Variants in USP8 observed in about 807,000 individuals in gnomAD.
USP8 encodes ubiquitin specific peptidase 8.
USP8 carries 27 observed loss-of-function variants against 130.0 expected under a neutral mutation model. That is an observed-to-expected ratio of 0.21 (90% CI 0.15 to 0.29). The LOEUF (loss-of-function observed/expected upper bound fraction) is 0.29. Among genes scored for constraint, USP8 ranks in the 10% least tolerant of loss-of-function variants. USP8 has a pLI of 1.00. For synonymous variants in USP8, 392 were observed against 444.1 expected, an observed-to-expected ratio of 0.88 and a Z score of 1.48; for missense variants, 1,029 against 1,312.2, an observed-to-expected ratio of 0.78 and a Z score of 3.33.
intron 5 of USP8, among the ~76,000 whole-genome samples, chr15:50,461,604 C>T (rs1322312821): frequency 6.6e-6 from 1 of 152,144 alleles, no homozygotes; most frequent in Non-Finnish European, 1.5e-5. Flanking sequence ...CCTATAATCC[C>T]AGCACTTTGG....
chr15:50,460,399 C>T (rs1214729739), intron 5 of USP8, among the ~76,000 whole-genome samples: 3 of 149,638 alleles, frequency 2.0e-5, no homozygotes, highest in African/African-American at 2.5e-5. Context: ...CTCTGCTTCC[C>T]GGGTTCAACT....
chr15:50,497,446 G>A (rs1003015819), intron 18 of USP8: 2 of 397,864 alleles, frequency 5.0e-6, no homozygotes, highest in Non-Finnish European at 8.7e-6. Flanking sequence ...ACTATTTCAT[G>A]TAATTCCTTA....
Position 50,435,980 on chromosome 15 carries a change from A to G in USP8, c.-65-3029A>G, listed in dbSNP as rs1353088448. On this transcript the variant is annotated intron_variant, in intron 1 of 19. Transcript: ENST00000307179. ...TATCTGCTTCCTCTATTCCATCTCT[A>G]CTGCCCTAGTTCTGACCTTTGTCAT... is the stretch of plus-strand genomic sequence containing the variant. Among the ~76,000 whole-genome samples, 9 of 151,924 alleles carry G rather than the reference A, an allele frequency of 5.9e-5. No individual in the cohort carries two copies. In the East Asian group the frequency reaches 1.2e-3, roughly 20 times the overall value.
At chr15:50,484,168 C>A in intron 11 of USP8, 107 bp from the exon 12 acceptor site, 1 of 771,604 alleles carries the variant, frequency 1.3e-6, no homozygotes, top group African/African-American at 1.9e-5. Context: ...TTTTTTTTCT[C>A]CTTTTACATT....
At chr15:50,454,050 G>A (rs761382849) in intron 4 of USP8, among the ~76,000 whole-genome samples, 4 of 151,894 alleles carry the variant, frequency 2.6e-5, no homozygotes, top group Non-Finnish European at 5.9e-5. Context: ...TTTTGGTAGA[G>A]ATGGGGTTTT....
chr15:50,427,266 A>G (rs751272844), intron 1 of USP8, among the ~76,000 whole-genome samples: 1 of 152,114 alleles, frequency 6.6e-6, no homozygotes, highest in Non-Finnish European at 1.5e-5. Flanking sequence ...GTAATACTTT[A>G]TGTTGTAATG....
chr15:50,454,756 G>C (rs2050739395), intron 4 of USP8, among the ~76,000 whole-genome samples: 1 of 151,470 alleles, frequency 6.6e-6, no homozygotes, highest in Non-Finnish European at 1.5e-5. Flanking sequence ...CGCCCAGCCT[G>C]GATTGAATAA....
Position 50,424,483 on chromosome 15 carries a change from G to T in USP8, c.-97G>T. Reference sequence around the variant, plus strand: ...TGGGAGATGGGCATTTGGCGAGAAGGCTGGCGTTAGTGAAGCGCGCCCGGC... The same window carrying T: ...TGGGAGATGGGCATTTGGCGAGAAGTCTGGCGTTAGTGAAGCGCGCCCGGC... On this transcript the variant is annotated 5_prime_UTR_variant, in exon 1 of 20. Transcript: ENST00000307179. 2.5e-6 allele frequency: 1 copy of T among 398,742 alleles called. No individual in the cohort carries two copies. Among genetic ancestry groups the T allele is most frequent in the East Asian group, 3.6e-5 (1 of 28,080 alleles). The allele number at this position is 398,742 out of a possible 1,614,324, so 24.7% of individuals were successfully genotyped here.
rs1466414454 is a variant in USP8 at position 50,424,489 on chromosome 15, G to A, written c.-91G>A. ...ATGGGCATTTGGCGAGAAGGCTGGC[G>A]TTAGTGAAGCGCGCCCGGCGTCACG... is the stretch of plus-strand genomic sequence containing the variant. On this transcript the variant is annotated 5_prime_UTR_variant, in exon 1 of 20. Transcript: ENST00000307179. The A allele has an allele frequency of 1.0e-5, 4 of 398,646 alleles. No homozygotes were observed. Among genetic ancestry groups the A allele is most frequent in the African/African-American group, 8.2e-5 (4 of 48,648 alleles). 24.7% of individuals were successfully genotyped at this position (398,646 alleles called of 1,614,324 possible). A position where few individuals can be genotyped will look rare whatever the true frequency, so the allele number is the denominator to read the frequency against.
chr15:50,428,252 G>C (rs552610761), intron 1 of USP8, among the ~76,000 whole-genome samples: 13 of 152,264 alleles, frequency 8.5e-5, no homozygotes, highest in Admixed American at 7.9e-4. Flanking sequence ...AAGTAGCTGG[G>C]ATCACAGGCA....
At chr15:50,474,863 C>G (rs887465283) in intron 8 of USP8, among the ~76,000 whole-genome samples, 1 of 152,196 alleles carries the variant, frequency 6.6e-6, no homozygotes, top group Non-Finnish European at 1.5e-5. Flanking sequence ...GATCCCAGCA[C>G]TTTGGGAGGC....
rs543165447 is a variant in USP8, at chr15:50,471,568, C to T, written c.687-65C>T. ...AAGACTGTGGAACAAAACTGAGTGTCTTCTGTTAGTATATTAGGACCTCTT... is the reference window on the plus strand; with the variant it reads ...AAGACTGTGGAACAAAACTGAGTGTTTTCTGTTAGTATATTAGGACCTCTT... On this transcript the variant is annotated intron_variant, in intron 7 of 19. Coordinates refer to ENST00000307179, the MANE Select transcript of USP8 (RefSeq NM_005154.5). 41 of 1,547,046 alleles carry T rather than the reference C, an allele frequency of 2.7e-5. 1 individual carries two copies. In the South Asian group the frequency reaches 4.9e-4, roughly 18 times the overall value.
intron 3 of USP8, among the ~76,000 whole-genome samples, chr15:50,442,661 C>G (rs2050299331): frequency 6.6e-6 from 1 of 152,162 alleles, no homozygotes; most frequent in Non-Finnish European, 1.5e-5. Flanking sequence ...AGGAGAACCA[C>G]TTGAATCTGG....
chr15:50,443,575 C>T (rs1288159086), intron 3 of USP8, among the ~76,000 whole-genome samples: 1 of 151,474 alleles, frequency 6.6e-6, no homozygotes, highest in Admixed American at 6.6e-5. Flanking sequence ...CCTCTGCCTC[C>T]CAGGTTCAAG....
Position 50,481,978 on chromosome 15 carries a change from G to A in USP8, c.1716G>A (p.Gly572=), listed in dbSNP as rs770777613. 2.5e-6 allele frequency: 4 copies of A among 1,596,840 alleles called. No individual in the cohort carries two copies. In the East Asian group the frequency reaches 9.0e-5, roughly 36 times the overall value. ...SDAKKSVEDR[G]KRCPTPEIQK... ...CCAAGAAATCTGTAGAAGATAGGGG[G>A]AAAAGGTGTCCAACCCCAGAAATAC... The change falls in exon 11 of 20, where the codon GGG becomes GGA. Residue 572 remains glycine, a synonymous_variant. Transcript: ENST00000307179.
In USP8 at chr15:50,506,464, T is replaced by C. The variant is rs910720299; in HGVS notation, c.*7376T>C. ...AAAACCATGCCCGCCCCGGCCCCCATCCATGGGAAAAAAACCGCATCAGTG... is the reference window on the plus strand; with the variant it reads ...AAAACCATGCCCGCCCCGGCCCCCACCCATGGGAAAAAAACCGCATCAGTG... On this transcript the variant is annotated 3_prime_UTR_variant, in exon 20 of 20. Transcript: ENST00000307179. 6.6e-6 allele frequency: 1 copy of C among 151,712 alleles called. No individual in the cohort carries two copies. Among genetic ancestry groups the C allele is most frequent in the Non-Finnish European group, 1.5e-5 (1 of 67,968 alleles). 9.4% of individuals were successfully genotyped at this position (151,712 alleles called of 1,614,324 possible).
chr15:50,449,676 G>T (rs1046668129), intron 4 of USP8, among the ~76,000 whole-genome samples, 191 bp downstream of exon 4: 6 of 151,776 alleles, frequency 4.0e-5, no homozygotes, highest in African/African-American at 1.5e-4. Context: ...CCACTTCCTG[G>T]GTTCACGCCA....
intron 1 of USP8, chr15:50,426,923 A>G (rs1166195496): frequency 6.6e-6 from 1 of 151,642 alleles, no homozygotes; most frequent in Non-Finnish European, 1.5e-5. Flanking sequence ...AGAATCAGGT[A>G]CACTTCCAAT....
chr15:50,493,865 G>C (rs1359567762), intron 15 of USP8: 1 of 722,756 alleles, frequency 1.4e-6, no homozygotes, highest in South Asian at 1.5e-5. Flanking sequence ...ACCATGCAGG[G>C]CTTGCAGCCA....
Sources: allele counts gnomAD v4.1 joint callset (sites outside exome capture counted in the v4.1 genomes callset), GRCh38; gene constraint gnomAD v4.1.1; transcripts MANE v1.5; gene names NCBI Gene and HGNC (gene_info 2026-07-23, HGNC 2026-07-21).